FGF13: variants seen among roughly 807,000 people sequenced by gnomAD.
The protein encoded by FGF13 is fibroblast growth factor 13.
FGF13 carries 2 observed loss-of-function variants against 19.5 expected under a neutral mutation model. The ratio of observed to expected loss-of-function variants is 0.10; its 90% CI spans 0.04 to 0.32. The LOEUF is 0.32. FGF13 is among the 10% of genes least tolerant of loss of function. The pLI is 1.00. For missense variants in FGF13, 113 were observed against 192.7 expected (o/e 0.59, Z 2.45); for synonymous variants, 72 against 76.9 (o/e 0.94, Z 0.33).
upstream of FGF13, among the ~76,000 whole-genome samples, chrX:138,740,381 A>G (rs2090311003): frequency 8.9e-6 from 1 of 112,233 alleles, no homozygotes; most frequent in Non-Finnish European, 1.9e-5. Context: ...AAGATAATGT[A>G]TATCCAAAAG....
intron 3 of FGF13, among the ~76,000 whole-genome samples, chrX:138,678,549 G>A (rs2089696873): frequency 9.0e-6 from 1 of 111,410 alleles, no homozygotes; most frequent in African/African-American, 3.3e-5. Flanking sequence ...GTTAGAGGAA[G>A]CTACAACTGT....
At chrX:138,684,701 C>A (rs955389095) in intron 3 of FGF13, among the ~76,000 whole-genome samples, 2 of 111,507 alleles carry the variant, frequency 1.8e-5, no homozygotes, top group African/African-American at 6.5e-5. Context: ...ACAGTGATGC[C>A]TCTGCAGGCT....
rs191280469 is a variant in FGF13, at chrX:138,724,678, G to C, written c.28+14564C>G. On this transcript the variant is annotated intron_variant, in intron 1 of 4. Transcript: ENST00000305414. ...CTTATCTTTAGGACACATAAGCCAT[G>C]TGGAATTACTATTAAAACAGTCTGA... Among the ~76,000 whole-genome samples the C allele has an allele frequency of 1.4e-3, 153 of 112,059 alleles. 1 individual carries two copies. Among genetic ancestry groups the C allele is most frequent in the South Asian group, 2.6e-3 (7 of 2,706 alleles).
intron 1 of FGF13, among the ~76,000 whole-genome samples, chrX:139,153,248 G>A (rs1233696742): frequency 1.8e-5 from 2 of 110,110 alleles, no homozygotes; most frequent in African/African-American, 6.6e-5. Context: ...CCTGGCTTCC[G>A]CTTTCCCAGC....
At chrX:138,707,210 T>C (rs1384201305) in intron 2 of FGF13, among the ~76,000 whole-genome samples, 1 of 111,630 alleles carries the variant, frequency 9.0e-6, no homozygotes, top group Non-Finnish European at 1.9e-5. Flanking sequence ...ACTTAGAATG[T>C]GATCTCGATG....
chrX:138,784,812 T>G (rs2090679724), intron 3 of FGF13, among the ~76,000 whole-genome samples: 1 of 111,420 alleles, frequency 9.0e-6, no homozygotes, highest in Non-Finnish European at 1.9e-5. Flanking sequence ...AACTCCCTAA[T>G]TTCTCTTTCC....
intron 3 of FGF13, among the ~76,000 whole-genome samples, chrX:138,828,408 A>G (rs1184786195): frequency 9.1e-6 from 1 of 109,844 alleles, no homozygotes; most frequent in Non-Finnish European, 1.9e-5. Flanking sequence ...CTCTACTAAA[A>G]ATACAAAAAA....
intron 1 of FGF13, among the ~76,000 whole-genome samples, chrX:139,076,676 C>G (rs1476979592): frequency 1.8e-5 from 2 of 111,673 alleles, no homozygotes; most frequent in Non-Finnish European, 3.8e-5. Context: ...TAATAATGCA[C>G]ACAACTAAAC....
At chrX:138,768,695 T>C (rs1389613807) in intron 3 of FGF13, among the ~76,000 whole-genome samples, 2 of 98,533 alleles carry the variant, frequency 2.0e-5, no homozygotes, top group Admixed American at 2.3e-4. Flanking sequence ...TATATATAAG[T>C]ATATATTATA....
At chrX:139,088,941 A>C (rs1169976126) in intron 1 of FGF13, among the ~76,000 whole-genome samples, 1 of 112,335 alleles carries the variant, frequency 8.9e-6, no homozygotes, top group Non-Finnish European at 1.9e-5. Context: ...ACACAGTGAG[A>C]AGGCACCATC....
chrX:138,933,207 T>C (rs944530330), intron 1 of FGF13, among the ~76,000 whole-genome samples: 2 of 112,158 alleles, frequency 1.8e-5, no homozygotes, highest in Admixed American at 9.4e-5. Flanking sequence ...GCATTGACCA[T>C]GTCATAGTCA....
Position 138,769,288 on chromosome X carries a change from T to C in FGF13, c.218-60360A>G, listed in dbSNP as rs959645669. On this transcript the variant is annotated intron_variant, in intron 3 of 6. Transcript: ENST00000436198. ...TAAGCTTAACAGTAACATGGCGGGG[T>C]GGTTAAACATGTAATATGTAAGCTT... Among the ~76,000 whole-genome samples, 6 of 111,166 alleles carry C rather than the reference T, an allele frequency of 5.4e-5. No homozygotes were observed. In the Admixed American group the frequency reaches 5.8e-4, roughly 11 times the overall value.
intron 1 of FGF13, among the ~76,000 whole-genome samples, chrX:139,107,457 T>C (rs1336992077): frequency 8.9e-6 from 1 of 112,371 alleles, no homozygotes; most frequent in African/African-American, 3.2e-5. Flanking sequence ...ATATTCATCC[T>C]TCATTGCTGA....
At chrX:138,689,166 C>A (rs2089814709) in intron 3 of FGF13, among the ~76,000 whole-genome samples, 1 of 111,632 alleles carries the variant, frequency 9.0e-6, no homozygotes, top group Non-Finnish European at 1.9e-5. Flanking sequence ...TTCCCTGAAA[C>A]TCCCAAGAAT....
chrX:138,723,662 A>C (rs2090164961), intron 1 of FGF13, among the ~76,000 whole-genome samples: 1 of 111,967 alleles, frequency 8.9e-6, no homozygotes. Flanking sequence ...GGGGAAAAAA[A>C]GGTCAACAGA....
intron 1 of FGF13, among the ~76,000 whole-genome samples, chrX:139,027,699 A>G (rs907859641): frequency 8.9e-6 from 1 of 111,759 alleles, no homozygotes; most frequent in African/African-American, 3.2e-5. Flanking sequence ...GTAAGTAGAG[A>G]TACATCTGTA....
chrX:138,879,760 C>T (rs939821507), intron 1 of FGF13, among the ~76,000 whole-genome samples: 3 of 109,939 alleles, frequency 2.7e-5, no homozygotes, highest in African/African-American at 1.0e-4. Context: ...CCATTCAGCA[C>T]ATAGGCATGG....
chrX:138,952,747 C>A (rs1277344282), intron 1 of FGF13, among the ~76,000 whole-genome samples: 1 of 111,327 alleles, frequency 9.0e-6, no homozygotes, highest in African/African-American at 3.3e-5. Flanking sequence ...AACAAACAAC[C>A]CCATCAACAA....
At chrX:138,781,118 T>C (rs1253091703) in intron 3 of FGF13, among the ~76,000 whole-genome samples, 1 of 110,513 alleles carries the variant, frequency 9.0e-6, no homozygotes, top group Non-Finnish European at 1.9e-5. Context: ...TTGAAACCAA[T>C]GAGAACAAAG....
Sources: gnomAD v4.1 joint callset for allele counts (sites outside exome capture counted in the v4.1 genomes callset) on GRCh38, gnomAD v4.1.1 for gene constraint, MANE v1.5 for transcripts, NCBI Gene and HGNC (gene_info 2026-07-23, HGNC 2026-07-21) for gene names.